MED24: variants seen among roughly 807,000 people sequenced by gnomAD.
The protein encoded by MED24 is mediator of RNA polymerase II transcription subunit 24.
Under a neutral mutation model 118.8 loss-of-function variants are expected in MED24, and 74 were observed. That is an observed-to-expected ratio of 0.62 (90% CI 0.52 to 0.76). MED24 has a LOEUF of 0.76. Ranked by LOEUF, MED24 falls within the 30% of genes least tolerant of loss-of-function variation. MED24 has a pLI of 0.00. For missense variants in MED24, 1,041 were observed against 1,278.9 expected (o/e 0.81, Z 2.84); for synonymous variants, 521 against 523.9 (o/e 0.99, Z 0.08).
In MED24 at chr17:40,033,549, C is replaced by T; in HGVS notation, c.560-93G>A. 1.1e-6 allele frequency: 1 copy of T among 933,700 alleles called. No individual in the cohort carries two copies. The highest frequency in any genetic ancestry group is 1.7e-6 in the Non-Finnish European group (1 of 594,210). 57.8% of individuals were successfully genotyped at this position (933,700 alleles called of 1,614,324 possible). A position where few individuals can be genotyped will look rare whatever the true frequency, so the allele number is the denominator to read the frequency against. ...TCCTCGATTTTGGCACTCCCTCCGG[C>T]ACACGAAACCACACAGGAAGGCTTC... On this transcript the variant is annotated intron_variant, in intron 6 of 25. Coordinates refer to ENST00000394128, the MANE Select transcript of MED24 (RefSeq NM_014815.4). This position sits in a 1 kb window ranked among gnomAD's most constrained non-coding sequence, Gnocchi z 5.2.
At chr17:40,027,313 A>G (rs912947453) in intron 16 of MED24, 70 bp downstream of exon 16, 26 of 1,489,244 alleles carry the variant, frequency 1.7e-5, no homozygotes, top group Non-Finnish European at 2.1e-5. Context: ...GGGCGCAGGC[A>G]GTGAGGTGGG....
At chr17:40,029,672 T>C in intron 13 of MED24, 76 bp downstream of exon 13, 1 of 1,397,184 alleles carries the variant, frequency 7.2e-7, no homozygotes, top group Admixed American at 1.8e-5. Flanking sequence ...TGGCCTCTGT[T>C]TATTTATCTG....
chr17:40,028,328 G>A (rs1053613460), intron 14 of MED24, among the ~76,000 whole-genome samples: 2 of 152,030 alleles, frequency 1.3e-5, no homozygotes, highest in Non-Finnish European at 1.5e-5. Flanking sequence ...TGGCCAGGCC[G>A]GTCTTGAACT....
rs573407492 is a variant in MED24, at chr17:40,023,097, C to T, written c.2250+34G>A. On this transcript the variant is annotated intron_variant, in intron 20 of 25. Coordinates refer to ENST00000394128, the MANE Select transcript of MED24 (RefSeq NM_014815.4). ...GGTGTGGGGAGCCAGGGGACAGGAC[C>T]CATGTCGGCCCACAGCCACTCCAGC... The T allele has an allele frequency of 1.1e-4, 179 of 1,593,376 alleles. 4 individuals carry two copies. The South Asian group carries it at 2.0e-3, about 18-fold the overall frequency.
intron 14 of MED24, 161 bp from the exon 15 acceptor site, chr17:40,028,107 G>T (rs117331478): frequency 0.049 from 34,932 of 708,034 alleles, 1,041 homozygotes; most frequent in Non-Finnish European, 0.065. Context: ...TGTGGTTTTT[G>T]TTTTTTGTTT....
chr17:40,020,105 G>GCCCCCC (rs1981777586), intron 24 of MED24, 168 bp downstream of exon 24: 24 of 715,920 alleles, frequency 3.4e-5, no homozygotes, highest in Non-Finnish European at 5.0e-5. Flanking sequence ...GGAGGAGGGG[G>GCCCCCC]AACTAGACAG....
rs755165500 is a variant in MED24 at position 40,033,213 on chromosome 17, G to T, written c.672-7C>A. 3.7e-6 allele frequency: 6 copies of T among 1,613,734 alleles called. No homozygotes were observed. The highest frequency in any genetic ancestry group is 5.1e-6 in the Non-Finnish European group (6 of 1,180,012). On this transcript the variant is annotated splice_polypyrimidine_tract_variant and splice_region_variant and intron_variant, in intron 7 of 25. Transcript: ENST00000394128. This position sits in a 1 kb window ranked among gnomAD's most constrained non-coding sequence, Gnocchi z 5.2. ...AGACAGCATCGTGGGGATGCTGAGGGGTCACAAACACAGGGGACGGTGTTT... is the reference window on the plus strand; with the variant it reads ...AGACAGCATCGTGGGGATGCTGAGGTGTCACAAACACAGGGGACGGTGTTT...
chr17:40,039,975 G>C (rs1984377817), intron 3 of MED24, among the ~76,000 whole-genome samples: 1 of 149,798 alleles, frequency 6.7e-6, no homozygotes, highest in African/African-American at 2.5e-5. Context: ...AGTAGAAGCG[G>C]GGTTTCACCA....
rs1289986649 is a variant in MED24, at chr17:40,027,187, A to C, written c.1531-153T>G. 3.6e-5 allele frequency: 41 copies of C among 1,124,944 alleles called. No homozygotes were observed. In the Admixed American group the frequency reaches 8.5e-4, roughly 23 times the overall value. 69.7% of individuals were successfully genotyped at this position (1,124,944 alleles called of 1,614,324 possible). On this transcript the variant is annotated intron_variant, in intron 16 of 25. Coordinates refer to ENST00000394128, the MANE Select transcript of MED24 (RefSeq NM_014815.4). ...GGTCTAAGGGAGCCAGACGGGGGCA[A>C]TGCTGCCACCTAGTGGTCAATGTGA...
In MED24 at chr17:40,028,901, C is replaced by T; in HGVS notation, c.1334G>A (p.Gly445Glu). The change falls in exon 14 of 26, where the codon GGG becomes GAG. Residue 445 changes from glycine (G) to glutamate (E), a missense_variant. Gly to Glu is a moderately conservative substitution (Grantham distance 98, BLOSUM62 -2). Around this residue, in one of 3 missense-constraint regions of MED24, gnomAD observed 20 missense variants for 69.6 expected, o/e 0.29. Coordinates refer to ENST00000394128, the MANE Select transcript of MED24 (RefSeq NM_014815.4). ...LLGVLGHMLS[G>E]KSLDLLLAAA... Reference sequence around the variant, plus strand: ...AGCCAGCAGCAAGTCCAGACTCTTCCCGGACAGCATGTGGCCCAGGACTCC... The same window carrying T: ...AGCCAGCAGCAAGTCCAGACTCTTCTCGGACAGCATGTGGCCCAGGACTCC... The T allele has an allele frequency of 6.2e-7, 1 of 1,614,218 alleles. No individual in the cohort carries two copies.
chr17:40,033,452 A>G lies in MED24; in HGVS notation c.564T>C (p.Ser188=). Residue 188 remains serine, a synonymous_variant, in exon 7 of 26, where the codon TCT becomes TCC. Transcript: ENST00000394128. This position sits in a 1 kb window ranked among gnomAD's most constrained non-coding sequence, Gnocchi z 5.2. ...AGAGAGAATGCTCGATGGCAGTCCAAGAAGCTGGCAGAGGGAAGGAAGTAC... is the reference window on the plus strand; with the variant it reads ...AGAGAGAATGCTCGATGGCAGTCCAGGAAGCTGGCAGAGGGAAGGAAGTAC... ...LHIAKLEEAS[S]WTAIEHSLLK... The G allele has an allele frequency of 1.3e-6, 2 of 1,582,942 alleles. No homozygotes were observed. The highest frequency in any genetic ancestry group is 2.3e-5 in the South Asian group (2 of 87,268).
chr17:40,019,454 T>C lies in MED24; in HGVS notation c.*75A>G. On this transcript the variant is annotated 3_prime_UTR_variant, in exon 26 of 26. Coordinates refer to ENST00000394128, the MANE Select transcript of MED24 (RefSeq NM_014815.4). ...CGGATGTGAGGCACGATGCCTCATC[T>C]TTCCTCACTGCTTCCCTTGGAGGCG... The C allele has an allele frequency of 1.6e-6, 2 of 1,280,048 alleles. No homozygotes were observed. The highest frequency in any genetic ancestry group is 2.3e-5 in the East Asian group (1 of 43,106). The allele number at this position is 1,280,048 out of a possible 1,614,324, so 79.3% of individuals were successfully genotyped here.
intron 11 of MED24, 26 bp downstream of exon 11, chr17:40,031,512 G>T: frequency 6.2e-7 from 1 of 1,603,474 alleles, no homozygotes; most frequent in Non-Finnish European, 8.5e-7. Flanking sequence ...TTCCAGTAGG[G>T]CGGGGGTGAC....
Position 40,021,988 on chromosome 17 carries a change from TAGAG to T in MED24, c.2586_2589del (p.Ser862ArgfsTer17). The T allele has an allele frequency of 1.2e-6, 2 of 1,611,230 alleles. No individual in the cohort carries two copies. Among genetic ancestry groups the T allele is most frequent in the Non-Finnish European group, 1.7e-6 (2 of 1,178,610 alleles). ...GAAAGGATGTTGGCATCGTCCTCAT[TAGAG>T]CTCAGCAGTCGCATCAACTTCGAAG... On this transcript the variant is annotated frameshift_variant, in exon 23 of 26. Coordinates refer to ENST00000394128, the MANE Select transcript of MED24 (RefSeq NM_014815.4). LOFTEE classifies it high-confidence loss of function.
chr17:40,025,209 G>A lies in MED24; in HGVS notation c.1985+947C>T, dbSNP rs140339679. Among the ~76,000 whole-genome samples the A allele has an allele frequency of 2.6e-5, 4 of 152,264 alleles. No individual in the cohort carries two copies. In the East Asian group the frequency reaches 7.7e-4, roughly 29 times the overall value. Reference sequence around the variant, plus strand: ...AAAGTAGTCAAATTCAGCAGGGCACGGTGGGTCACGCCTGTAATCCCAGCA... The same window carrying A: ...AAAGTAGTCAAATTCAGCAGGGCACAGTGGGTCACGCCTGTAATCCCAGCA... On this transcript the variant is annotated intron_variant, in intron 19 of 25. Coordinates refer to ENST00000394128, the MANE Select transcript of MED24 (RefSeq NM_014815.4).
intron 4 of MED24, 141 bp downstream of exon 4, chr17:40,035,975 C>A: frequency 8.7e-7 from 1 of 1,145,734 alleles, no homozygotes; most frequent in South Asian, 1.4e-5. Context: ...CAGGATCCCC[C>A]TCCCATGGAA....
Position 40,028,867 on chromosome 17 carries a change from G to C in MED24, c.1368C>G (p.Ala456=). ...CGAAGGATTTCAGCTTTCCAGTGGC[G>C]GCGGCGGCAGCCAGCAGCAAGTCCA... ...KSLDLLLAAA[A]ATGKLKSFAR... is the part of the protein sequence containing the mutation. The change falls in exon 14 of 26, where the codon GCC becomes GCG. Residue 456 remains alanine, a synonymous_variant. Coordinates refer to ENST00000394128, the MANE Select transcript of MED24 (RefSeq NM_014815.4). 6.2e-7 allele frequency: 1 copy of C among 1,613,918 alleles called. No individual in the cohort carries two copies. The highest frequency in any genetic ancestry group is 8.5e-7 in the Non-Finnish European group (1 of 1,179,890).
intron 10 of MED24, 142 bp from the exon 11 acceptor site, chr17:40,031,762 G>T (rs1598347481): frequency 2.5e-6 from 2 of 802,284 alleles, no homozygotes; most frequent in Non-Finnish European, 4.0e-6. Flanking sequence ...GTGGGTGCAC[G>T]CAGACGCTGA....
At chr17:40,039,504 C>A (rs1038304501) in intron 3 of MED24, among the ~76,000 whole-genome samples, 46 of 152,214 alleles carry the variant, frequency 3.0e-4, no homozygotes, top group Non-Finnish European at 6.0e-4. Flanking sequence ...CCTCTTGACT[C>A]TGAAGGAAGA....
Sources: gnomAD v4.1 joint callset for allele counts (sites outside exome capture counted in the v4.1 genomes callset) on GRCh38, gnomAD v4.1.1 for gene constraint, gnomAD v4.1.1 regional missense constraint, Gnocchi (gnomAD v3.1) non-coding constraint, MANE v1.5 for transcripts, NCBI Gene and HGNC (gene_info 2026-07-23, HGNC 2026-07-21) for gene names.